The following TCF24 variants were observed in gnomAD, a reference collection of about 807,000 sequenced individuals.
TCF24 encodes transcription factor 24.
In TCF24, 5 loss-of-function variants were observed where a neutral mutation model predicts 9.3. The ratio of observed to expected loss-of-function variants is 0.54; its 90% CI spans 0.28 to 1.13. The LOEUF is 1.13. Ranked by LOEUF, TCF24 falls within the 50% of genes most tolerant of loss-of-function variation. TCF24 has a pLI of 0.09. For synonymous variants in TCF24, 110 were observed against 115.8 expected, an observed-to-expected ratio of 0.95 and a Z score of 0.32; for missense variants, 220 against 236.1, an observed-to-expected ratio of 0.93 and a Z score of 0.45.
chr8:66,948,238 A>AT, intron 3 of TCF24, 74 bp from the exon 4 acceptor site: 2 of 1,032,830 alleles, frequency 1.9e-6, no homozygotes, highest in Non-Finnish European at 2.7e-6. Flanking sequence ...TACAATGTTA[A>AT]AGATTGTAAA....
At chr8:66,958,772 G>T (rs1485002264) in intron 3 of TCF24, among the ~76,000 whole-genome samples, 4 of 152,134 alleles carry the variant, frequency 2.6e-5, no homozygotes, top group African/African-American at 9.7e-5. Flanking sequence ...TATTAAATAA[G>T]GGGCACAATA....
At chr8:66,954,298 GT>G (rs1814112326) in intron 3 of TCF24, among the ~76,000 whole-genome samples, 1 of 151,866 alleles carries the variant, frequency 6.6e-6, no homozygotes, top group African/African-American at 2.4e-5. Context: ...CTGTTTGTTA[GT>G]TTTCCTTCTA....
chr8:66,955,220 T>A (rs1286006370), intron 3 of TCF24: 1 of 152,156 alleles, frequency 6.6e-6, no homozygotes, highest in Non-Finnish European at 1.5e-5. Flanking sequence ...TCTCAAACAA[T>A]ATAATTTATT....
chr8:66,955,941 T>A lies in TCF24; in HGVS notation c.390+5435A>T, dbSNP rs184352473. 9.9e-5 allele frequency among the ~76,000 whole-genome samples: 15 copies of A among 152,234 alleles called. No individual in the cohort carries two copies. The East Asian group carries it at 1.2e-3, about 12-fold the overall frequency. ...TTTTTAAATTTATTTTATTATTATTTTTTTTTATGAGACAGGGTCTCATTC... is the reference window on the plus strand; with the variant it reads ...TTTTTAAATTTATTTTATTATTATTATTTTTTATGAGACAGGGTCTCATTC... On this transcript the variant is annotated intron_variant, in intron 3 of 3. Transcript: ENST00000563496.
At position 66,947,799 on chromosome 8, in the gene TCF24, A is replaced by C; in HGVS notation, c.*252T>G. 1 of 287,592 alleles carries C rather than the reference A, an allele frequency of 3.5e-6. No homozygotes were observed. The highest frequency in any genetic ancestry group is 6.4e-6 in the Non-Finnish European group (1 of 156,138). The allele number at this position is 287,592 out of a possible 1,614,324, so 17.8% of individuals were successfully genotyped here. The stretch of plus-strand genomic sequence containing the variant: ...GCTATATACACAATTGTTTGCTTTC[A>C]TGTGACTTTTTTCTAATAATTTCTC... On this transcript the variant is annotated 3_prime_UTR_variant, in exon 4 of 4. Transcript: ENST00000563496.
At chr8:66,955,257 CAT>C (rs1409591379) in intron 3 of TCF24, 3 of 152,018 alleles carry the variant, frequency 2.0e-5, no homozygotes, top group Non-Finnish European at 4.4e-5. Flanking sequence ...GATGAAAAAA[CAT>C]ATTACATGAG....
intron 3 of TCF24, among the ~76,000 whole-genome samples, chr8:66,949,665 T>C (rs7834101): frequency 0.12 from 18,359 of 151,624 alleles, 2,208 homozygotes; most frequent in African/African-American, 0.31. Flanking sequence ...TTCTAGATCC[T>C]TGAGGAATCG....
intron 3 of TCF24, among the ~76,000 whole-genome samples, chr8:66,949,578 T>G (rs1266836846): frequency 3.3e-5 from 5 of 152,218 alleles, no homozygotes; most frequent in African/African-American, 9.7e-5. Flanking sequence ...TGTGCATGTC[T>G]CTTTATAGCA....
chr8:66,951,702 C>T (rs974221893), intron 3 of TCF24, among the ~76,000 whole-genome samples: 3 of 151,984 alleles, frequency 2.0e-5, no homozygotes, highest in African/African-American at 4.8e-5. Context: ...TGGTAGAATT[C>T]GGCTGTGAAT....
chr8:66,960,443 C>G (rs1053609297), intron 3 of TCF24, among the ~76,000 whole-genome samples: 12 of 151,574 alleles, frequency 7.9e-5, no homozygotes, highest in Non-Finnish European at 1.8e-4. Flanking sequence ...TGTGTGCGCG[C>G]GTGTGGCCAA....
rs1813991001 is a variant in TCF24, at chr8:66,948,092, T to C, written c.463A>G (p.Lys155Glu). The stretch of plus-strand genomic sequence containing the variant: ...GTTGGAGTGTTGTCATGATTTGTTT[T>C]TTCTCCAGAAACAGAATGCTTCAGA... ...QFLKHSVSGE[K>E]TNHDNTPTDS... The change falls in exon 4 of 4, where the codon AAA becomes GAA. Residue 155 changes from lysine (K) to glutamate (E), a missense_variant. Transcript: ENST00000563496. 6.5e-7 allele frequency: 1 copy of C among 1,535,152 alleles called. No homozygotes were observed. Among genetic ancestry groups the C allele is most frequent in the African/African-American group, 1.4e-5 (1 of 73,060 alleles).
intron 3 of TCF24, among the ~76,000 whole-genome samples, chr8:66,954,820 G>A (rs549143011): frequency 1.3e-5 from 2 of 152,350 alleles, no homozygotes; most frequent in East Asian, 1.9e-4. Context: ...AAGCCGGTCC[G>A]AAAAGCGCAA....
At chr8:66,950,177 T>C (rs1814034504) in intron 3 of TCF24, among the ~76,000 whole-genome samples, 1 of 149,670 alleles carries the variant, frequency 6.7e-6, no homozygotes, top group African/African-American at 2.5e-5. Context: ...ATGAAGTCCT[T>C]GCCCATGCCT....
intron 3 of TCF24, among the ~76,000 whole-genome samples, chr8:66,958,843 C>T (rs192378902): frequency 1.2e-3 from 185 of 152,304 alleles, no homozygotes; most frequent in African/African-American, 4.1e-3. Context: ...TGTTTCTTAG[C>T]GAATCACTGC....
At chr8:66,958,869 T>C (rs565730818) in intron 3 of TCF24, among the ~76,000 whole-genome samples, 146 of 152,352 alleles carry the variant, frequency 9.6e-4, no homozygotes, top group African/African-American at 3.4e-3. Context: ...GGGCAGCTGA[T>C]GCTGATGGAA....
intron 3 of TCF24, among the ~76,000 whole-genome samples, chr8:66,948,836 T>C (rs1814009128): frequency 1.3e-5 from 2 of 152,108 alleles, no homozygotes; most frequent in Admixed American, 1.3e-4. Context: ...GCTAGGATTA[T>C]AGGAGCATAC....
Position 66,961,415 on chromosome 8 carries a change from C to G in TCF24, c.351G>C (p.Leu117Phe). 2 of 1,517,268 alleles carry G rather than the reference C, an allele frequency of 1.3e-6. No individual in the cohort carries two copies. Among genetic ancestry groups the G allele is most frequent in the Non-Finnish European group, 1.8e-6 (2 of 1,139,022 alleles). The allele number at this position is 1,517,268 out of a possible 1,614,324, so 94.0% of individuals were successfully genotyped here. A position where few individuals can be genotyped will look rare whatever the true frequency, so the allele number is the denominator to read the frequency against. ...GGTAGCCATCGCCGCGCAGGGCGCCCAACCCGGCGTCCGCCGGCGCCTCGG... is the reference window on the plus strand; with the variant it reads ...GGTAGCCATCGCCGCGCAGGGCGCCGAACCCGGCGTCCGCCGGCGCCTCGG... ...DDAEAPADAG[L>F]GALRGDGYLH... Residue 117 changes from leucine to phenylalanine, a missense_variant, in exon 3 of 4, where the codon TTG becomes TTC. Leu to Phe is a conservative substitution (Grantham distance 22). Coordinates refer to ENST00000563496, the MANE Select transcript of TCF24 (RefSeq NM_001193502.2).
At position 66,961,902 on chromosome 8, in the gene TCF24, C is replaced by G. The variant is rs1393005146; in HGVS notation, c.-49G>C. On this transcript the variant is annotated 5_prime_UTR_variant, in exon 2 of 4. Coordinates refer to ENST00000563496, the MANE Select transcript of TCF24 (RefSeq NM_001193502.2). Reference sequence around the variant, plus strand: ...CAGCAGCCCAACGGGGCTAAGGGCGCTCTCAAGCGAGCTCGTTTTGCCTGG... The same window carrying G: ...CAGCAGCCCAACGGGGCTAAGGGCGGTCTCAAGCGAGCTCGTTTTGCCTGG... The G allele has an allele frequency of 2.0e-5, 15 of 753,120 alleles. No homozygotes were observed. Among genetic ancestry groups the G allele is most frequent in the Non-Finnish European group, 2.5e-5 (15 of 611,310 alleles). The allele number at this position is 753,120 out of a possible 1,614,324, so 46.7% of individuals were successfully genotyped here.
At chr8:66,958,875 T>C (rs1373362867) in intron 3 of TCF24, among the ~76,000 whole-genome samples, 1 of 152,222 alleles carries the variant, frequency 6.6e-6, no homozygotes, top group Non-Finnish European at 1.5e-5. Flanking sequence ...CTGATGCTGA[T>C]GGAAATAAAT....
Sources: gnomAD v4.1 joint callset for allele counts (sites outside exome capture counted in the v4.1 genomes callset) on GRCh38, gnomAD v4.1.1 for gene constraint, MANE v1.5 for transcripts, NCBI Gene and HGNC (gene_info 2026-07-23, HGNC 2026-07-21) for gene names.